Variants in SLC25A32 observed in about 807,000 individuals in gnomAD.
SLC25A32 encodes the protein solute carrier family 25 member 32, also known as Glycine auxotroph B, complementation of hamster.
A neutral mutation model predicts 39.0 loss-of-function variants in SLC25A32; 32 were observed. The observed-to-expected ratio is 0.82, with a 90% CI of 0.62 to 1.10. SLC25A32 has a LOEUF of 1.10. SLC25A32 is among the 50% of genes least tolerant of loss of function. SLC25A32 has a pLI of 0.00. For missense variants in SLC25A32, 367 were observed against 395.3 expected (o/e 0.93, Z 0.61); for synonymous variants, 166 against 152.4 (o/e 1.09, Z -0.66).
chr8:103,407,408 C>T (rs1439337577), intron 2 of SLC25A32, among the ~76,000 whole-genome samples: 1 of 152,066 alleles, frequency 6.6e-6, no homozygotes, highest in Non-Finnish European at 1.5e-5. Context: ...CTGATAATAG[C>T]TAATAAGCCA....
At chr8:103,407,430 T>A (rs553374933) in intron 2 of SLC25A32, among the ~76,000 whole-genome samples, 88 of 152,334 alleles carry the variant, frequency 5.8e-4, no homozygotes, top group African/African-American at 1.8e-3. Flanking sequence ...TAGCTATTAA[T>A]AGGCATCTGA....
At chr8:103,413,933 C>G (rs1262013392) in intron 1 of SLC25A32, among the ~76,000 whole-genome samples, 1 of 152,204 alleles carries the variant, frequency 6.6e-6, no homozygotes. Flanking sequence ...TTTTATATGA[C>G]TAAGTCTAAC....
intron 2 of SLC25A32, among the ~76,000 whole-genome samples, chr8:103,405,721 C>T (rs1441460806): frequency 1.3e-5 from 2 of 151,840 alleles, no homozygotes; most frequent in Non-Finnish European, 2.9e-5. Flanking sequence ...AGTGCAGTGA[C>T]ACAATCATAG....
At position 103,403,159 on chromosome 8, in the gene SLC25A32, G is replaced by A; in HGVS notation, c.552+5C>T. 1 of 1,559,088 alleles carries A rather than the reference G, an allele frequency of 6.4e-7. No homozygotes were observed. The highest frequency in any genetic ancestry group is 1.2e-5 in the South Asian group (1 of 83,608). ...GTTATTTAAAATATATTGATAATTTGTTACCTTATATAATCCACGCACACC... is the reference window on the plus strand; with the variant it reads ...GTTATTTAAAATATATTGATAATTTATTACCTTATATAATCCACGCACACC... On this transcript the variant is annotated splice_donor_5th_base_variant and intron_variant, in intron 4 of 6. Coordinates refer to ENST00000297578, the MANE Select transcript of SLC25A32 (RefSeq NM_030780.5).
In SLC25A32 at chr8:103,410,427, G is replaced by A. The variant is rs145692345; in HGVS notation, c.155-2643C>T. ...CTCTGCCTCCTGTCCGATCAGTGGT[G>A]GCATTGGGTTCTTACAGAATCTCGA... On this transcript the variant is annotated intron_variant, in intron 1 of 6. Coordinates refer to ENST00000297578, the MANE Select transcript of SLC25A32 (RefSeq NM_030780.5). 5.1e-3 allele frequency among the ~76,000 whole-genome samples: 783 copies of A among 152,252 alleles called. 1 individual carries two copies. Among genetic ancestry groups the A allele is most frequent in the Non-Finnish European group, 6.4e-3 (434 of 68,014 alleles).
In SLC25A32 at chr8:103,414,923, G is replaced by A. The variant is rs766656853; in HGVS notation, c.15C>T (p.Gly5=). The change falls in exon 1 of 7, where the codon GGC becomes GGT. Residue 5 remains glycine (G), a synonymous_variant. Coordinates refer to ENST00000297578, the MANE Select transcript of SLC25A32 (RefSeq NM_030780.5). MTGQ[G]QSASGSSAWS... is the part of the protein sequence containing the mutation. The stretch of plus-strand genomic sequence containing the variant: ...ACGCCGACGACCCGGACGCCGACTG[G>A]CCCTGGCCCGTCATAGGCTCGGGGC... 1.9e-6 allele frequency: 3 copies of A among 1,607,012 alleles called. No homozygotes were observed. The highest frequency in any genetic ancestry group is 2.5e-6 in the Non-Finnish European group (3 of 1,177,310).
chr8:103,406,609 GTA>G (rs1816338154), intron 2 of SLC25A32, among the ~76,000 whole-genome samples: 1 of 152,210 alleles, frequency 6.6e-6, no homozygotes, highest in Non-Finnish European at 1.5e-5. Context: ...TGGTGAAGGA[GTA>G]AGGAAAGCAA....
In SLC25A32 at chr8:103,399,304, T is replaced by A. The variant is rs1816166763; in HGVS notation, c.*1107A>T. On this transcript the variant is annotated 3_prime_UTR_variant, in exon 7 of 7. Coordinates refer to ENST00000297578, the MANE Select transcript of SLC25A32 (RefSeq NM_030780.5). ...TGTAAAAGGTGATCTATTTAGCATC[T>A]GTAATAAGTGATTTATAGTTATATA... The A allele has an allele frequency of 6.6e-6, 1 of 152,236 alleles. No individual in the cohort carries two copies. The highest frequency in any genetic ancestry group is 1.5e-5 in the Non-Finnish European group (1 of 68,040). The allele number at this position is 152,236 out of a possible 1,614,324, so 9.4% of individuals were successfully genotyped here.
At chr8:103,401,181 T>C (rs1397386317) in intron 6 of SLC25A32, among the ~76,000 whole-genome samples, 1 of 152,248 alleles carries the variant, frequency 6.6e-6, no homozygotes, top group Non-Finnish European at 1.5e-5. Context: ...TGGAGCCTTC[T>C]TGAATGTATT....
At chr8:103,408,744 T>C (rs2130449812) in intron 1 of SLC25A32, among the ~76,000 whole-genome samples, 1 of 152,308 alleles carries the variant, frequency 6.6e-6, no homozygotes, top group East Asian at 1.9e-4. Flanking sequence ...AACGCCATCA[T>C]CATCTGCATT....
intron 2 of SLC25A32, among the ~76,000 whole-genome samples, 173 bp from the exon 3 acceptor site, chr8:103,405,034 T>C (rs1053054036): frequency 6.6e-6 from 1 of 152,212 alleles, no homozygotes. Flanking sequence ...TGCAAGATTA[T>C]ACCACCCCTC....
Position 103,400,114 on chromosome 8 carries a change from C to A in SLC25A32, c.*297G>T. 8.6e-6 allele frequency: 3 copies of A among 349,452 alleles called. No individual in the cohort carries two copies. The highest frequency in any genetic ancestry group is 1.6e-5 in the Non-Finnish European group (3 of 191,874). 21.6% of individuals were successfully genotyped at this position (349,452 alleles called of 1,614,324 possible). ...CATCTAATCCATTTAGCAAATGTTG[C>A]AAATCAGCTTCCACCAATAAAACGT... On this transcript the variant is annotated 3_prime_UTR_variant, in exon 7 of 7. Transcript: ENST00000297578.
At chr8:103,403,409 TAAAAAAAAAAAAA>T in intron 3 of SLC25A32, 85 bp from the exon 4 acceptor site, 2 of 249,174 alleles carry the variant, frequency 8.0e-6, no homozygotes, top group Non-Finnish European at 1.4e-5. Context: ...TACATTTATG[TAAAAAAAAAAAAA>T]AAAAAAAAGA....
chr8:103,407,039 A>G (rs974916356), intron 2 of SLC25A32, among the ~76,000 whole-genome samples: 3 of 152,172 alleles, frequency 2.0e-5, no homozygotes, highest in African/African-American at 7.2e-5. Flanking sequence ...TCTCTACATC[A>G]CTTTCCAAAA....
chr8:103,407,978 T>C (rs959099998), intron 1 of SLC25A32, among the ~76,000 whole-genome samples, 194 bp from the exon 2 acceptor site: 2 of 145,696 alleles, frequency 1.4e-5, no homozygotes, highest in Non-Finnish European at 3.0e-5. Flanking sequence ...TATATAAATA[T>C]GTAAAATATA....
chr8:103,410,652 T>A (rs573585367), intron 1 of SLC25A32, among the ~76,000 whole-genome samples: 2 of 152,298 alleles, frequency 1.3e-5, no homozygotes, highest in East Asian at 3.9e-4. Context: ...AATGACCTCA[T>A]GATCATTTTA....
At chr8:103,413,005 T>G (rs985305540) in intron 1 of SLC25A32, among the ~76,000 whole-genome samples, 3 of 152,232 alleles carry the variant, frequency 2.0e-5, no homozygotes, top group Admixed American at 2.0e-4. Context: ...ACAGCTACAC[T>G]GTGAGCTTTA....
intron 6 of SLC25A32, 114 bp downstream of exon 6, chr8:103,401,402 T>C (rs1444766183): frequency 1.1e-6 from 1 of 891,314 alleles, no homozygotes; most frequent in African/African-American, 1.7e-5. Context: ...GGACCACCAA[T>C]CATGTTTTCA....
chr8:103,401,902 T>A (rs745743736), intron 5 of SLC25A32, 39 bp downstream of exon 5: 28 of 1,536,756 alleles, frequency 1.8e-5, no homozygotes, highest in Middle Eastern at 1.9e-4. Context: ...TAAATACCCA[T>A]AAAAGGAAAT....
Sources: gnomAD v4.1 joint callset for allele counts (sites outside exome capture counted in the v4.1 genomes callset) on GRCh38, gnomAD v4.1.1 for gene constraint, MANE v1.5 for transcripts, NCBI Gene and HGNC (gene_info 2026-07-23, HGNC 2026-07-21) for gene names.